MSI2: variants seen among roughly 807,000 people sequenced by gnomAD.
The protein encoded by MSI2 is musashi RNA binding protein 2, also known as RNA-binding protein Musashi homolog 2.
MSI2 carries 17 observed loss-of-function variants against 45.6 expected under a neutral mutation model. The observed-to-expected ratio is 0.37, with a 90% CI of 0.26 to 0.56. The LOEUF (loss-of-function observed/expected upper bound fraction) is 0.56. Among genes scored for constraint, MSI2 ranks in the 20% least tolerant of loss-of-function variants. The pLI, the probability that MSI2 is intolerant of heterozygous loss-of-function variation, is 0.77. For missense variants in MSI2, 293 were observed against 444.2 expected, an observed-to-expected ratio of 0.66 and a Z score of 3.06; for synonymous variants, 156 against 158.2, an observed-to-expected ratio of 0.99 and a Z score of 0.11.
intron 7 of MSI2, among the ~76,000 whole-genome samples, chr17:57,543,464 A>G (rs2087097613): frequency 6.6e-6 from 1 of 152,216 alleles, no homozygotes; most frequent in Non-Finnish European, 1.5e-5. Flanking sequence ...CTGTTGCAGT[A>G]TTTAAAGTGC....
intron 7 of MSI2, among the ~76,000 whole-genome samples, chr17:57,568,342 A>G (rs2087788186): frequency 6.6e-6 from 1 of 152,208 alleles, no homozygotes; most frequent in African/African-American, 2.4e-5. Context: ...GACACAAGAC[A>G]GTGACTCAAG....
At chr17:57,606,612 A>G (rs1293663907) in intron 8 of MSI2, among the ~76,000 whole-genome samples, 1 of 152,138 alleles carries the variant, frequency 6.6e-6, no homozygotes, top group Non-Finnish European at 1.5e-5. Context: ...CTCTGAGGGA[A>G]GAGCCACATC....
At position 57,676,851 on chromosome 17, in the gene MSI2, T is replaced by C. The variant is rs948970638; in HGVS notation, c.946-136T>C. On this transcript the variant is annotated intron_variant, in intron 12 of 13. Coordinates refer to ENST00000284073, the MANE Select transcript of MSI2 (RefSeq NM_138962.4). Reference sequence around the variant, plus strand: ...AGGAGGATGTCATCCTGGCCCCTCATGGCACGGTGTCTCAGAATTACATAT... The same window carrying C: ...AGGAGGATGTCATCCTGGCCCCTCACGGCACGGTGTCTCAGAATTACATAT... The C allele has an allele frequency of 1.4e-5, 10 of 717,592 alleles. No homozygotes were observed. In the African/African-American group the frequency reaches 1.7e-4, roughly 12 times the overall value. 44.5% of individuals were successfully genotyped at this position (717,592 alleles called of 1,614,324 possible). A position where few individuals can be genotyped will look rare whatever the true frequency, so the allele number is the denominator to read the frequency against.
At chr17:57,323,732 C>G (rs1295138757) in intron 5 of MSI2, among the ~76,000 whole-genome samples, 1 of 152,260 alleles carries the variant, frequency 6.6e-6, no homozygotes, top group Admixed American at 6.5e-5. Context: ...GACACACTGT[C>G]TGCCGCTGTG....
intron 5 of MSI2, among the ~76,000 whole-genome samples, chr17:57,328,386 T>A (rs1320132830): frequency 6.6e-6 from 1 of 152,228 alleles, no homozygotes; most frequent in African/African-American, 2.4e-5. Context: ...CCTTCATCCA[T>A]CAATCCATCC....
At chr17:57,327,079 GCTGTCT>G (rs1259670031) in intron 5 of MSI2, among the ~76,000 whole-genome samples, 1 of 152,170 alleles carries the variant, frequency 6.6e-6, no homozygotes, top group African/African-American at 2.4e-5. Context: ...GGAAGTAATA[GCTGTCT>G]TCATGGTCAT....
chr17:57,502,634 T>TAC (rs2086138305), intron 6 of MSI2, among the ~76,000 whole-genome samples: 1 of 129,952 alleles, frequency 7.7e-6, no homozygotes, highest in Admixed American at 8.1e-5. Flanking sequence ...TATATATATA[T>TAC]ATAGTCATCA....
intron 5 of MSI2, among the ~76,000 whole-genome samples, chr17:57,385,977 T>C (rs1160583618): frequency 6.6e-6 from 1 of 152,172 alleles, no homozygotes; most frequent in African/African-American, 2.4e-5. Flanking sequence ...TAATGGTTGA[T>C]GTCGATTGGA....
chr17:57,634,329 G>A (rs1320779915), intron 10 of MSI2, among the ~76,000 whole-genome samples: 2 of 151,870 alleles, frequency 1.3e-5, no homozygotes, highest in African/African-American at 4.8e-5. Flanking sequence ...AGCCCGGAGT[G>A]GTGGCGGGTG....
chr17:57,498,952 G>A (rs539107474), intron 6 of MSI2, among the ~76,000 whole-genome samples: 167 of 127,972 alleles, frequency 1.3e-3, no homozygotes, highest in Non-Finnish European at 2.2e-3. Flanking sequence ...GGTGTGTGAT[G>A]TCCCCCTTCC....
chr17:57,412,788 G>A (rs1483643705), intron 6 of MSI2, among the ~76,000 whole-genome samples: 1 of 152,196 alleles, frequency 6.6e-6, no homozygotes, highest in Non-Finnish European at 1.5e-5. Context: ...CCTTGGCTGA[G>A]CATATTGCCT....
chr17:57,265,215 A>T (rs16958134), intron 5 of MSI2: 21,713 of 152,138 alleles, frequency 0.14, 2,911 homozygotes, highest in African/African-American at 0.36. Context: ...TTATTTATCG[A>T]TTATCTCCCT....
chr17:57,274,168 A>G (rs1038290999), intron 5 of MSI2: 2 of 152,224 alleles, frequency 1.3e-5, no homozygotes, highest in African/African-American at 4.8e-5. Flanking sequence ...CAAAACTGCA[A>G]ATAGAGGCTG....
chr17:57,587,575 G>T (rs1904417885), intron 7 of MSI2, among the ~76,000 whole-genome samples: 1 of 147,002 alleles, frequency 6.8e-6, no homozygotes, highest in South Asian at 2.2e-4. Flanking sequence ...CAGCCCCAAA[G>T]GTGGCTGCAG....
At chr17:57,453,115 C>T (rs1598286978) in intron 6 of MSI2, among the ~76,000 whole-genome samples, 1 of 151,530 alleles carries the variant, frequency 6.6e-6, no homozygotes, top group Admixed American at 6.6e-5. Flanking sequence ...GTGATTCTGC[C>T]GCAGCCTCCC....
chr17:57,351,279 A>G (rs1470899252), intron 5 of MSI2, among the ~76,000 whole-genome samples: 1 of 152,004 alleles, frequency 6.6e-6, no homozygotes, highest in Admixed American at 6.5e-5. Flanking sequence ...CTCTTGTGGG[A>G]GTGTAGGCTC....
chr17:57,560,671 T>C (rs1315581121), intron 7 of MSI2, among the ~76,000 whole-genome samples: 5 of 152,234 alleles, frequency 3.3e-5, no homozygotes. Flanking sequence ...CTGCTATTAT[T>C]TATTACTGAT....
At chr17:57,470,853 C>T (rs1436568089) in intron 6 of MSI2, among the ~76,000 whole-genome samples, 3 of 152,230 alleles carry the variant, frequency 2.0e-5, no homozygotes, top group African/African-American at 7.2e-5. Flanking sequence ...CGCTTAAACT[C>T]TCTGTGCCTC....
intron 5 of MSI2, among the ~76,000 whole-genome samples, chr17:57,313,080 C>T (rs1310594723): frequency 6.6e-6 from 1 of 152,088 alleles, no homozygotes; most frequent in Non-Finnish European, 1.5e-5. Flanking sequence ...CTCTGGACCT[C>T]GTGATCCACC....
Sources: gnomAD v4.1 joint callset for allele counts (sites outside exome capture counted in the v4.1 genomes callset) on GRCh38, gnomAD v4.1.1 for gene constraint, MANE v1.5 for transcripts, NCBI Gene and HGNC (gene_info 2026-07-23, HGNC 2026-07-21) for gene names.